The following SUDS3 variants were observed in gnomAD, a reference collection of about 807,000 sequenced individuals.
SUDS3 encodes sin3 histone deacetylase corepressor complex component SDS3.
SUDS3 carries 23 observed loss-of-function variants against 53.5 expected under a neutral mutation model. That is an observed-to-expected ratio of 0.43 (90% CI 0.31 to 0.61). The LOEUF (loss-of-function observed/expected upper bound fraction) is 0.61. Among genes scored for constraint, SUDS3 ranks in the 20% least tolerant of loss-of-function variants. The pLI, the probability that SUDS3 is intolerant of heterozygous loss-of-function variation, is 0.10. For synonymous variants in SUDS3, 150 were observed against 148.5 expected (o/e 1.01, Z -0.08); for missense variants, 291 against 405.9 (o/e 0.72, Z 2.43).
chr12:118,381,402 A>G (rs2046058048), intron 2 of SUDS3, among the ~76,000 whole-genome samples: 1 of 150,818 alleles, frequency 6.6e-6, no homozygotes, highest in Admixed American at 6.6e-5. Flanking sequence ...TTTTGTGTGG[A>G]GATGGAGTGT....
At chr12:118,395,710 G>C (rs2046208816) in intron 6 of SUDS3, among the ~76,000 whole-genome samples, 1 of 151,504 alleles carries the variant, frequency 6.6e-6, no homozygotes, top group Admixed American at 6.6e-5. Context: ...GATTGATTTT[G>C]AGACGTAGTC....
At chr12:118,396,133 T>C (rs2046213242) in intron 6 of SUDS3, among the ~76,000 whole-genome samples, 2 of 152,258 alleles carry the variant, frequency 1.3e-5, no homozygotes, top group Admixed American at 6.5e-5. Flanking sequence ...TAGTCTAGCC[T>C]ATGGGTCCCT....
intron 1 of SUDS3, among the ~76,000 whole-genome samples, chr12:118,378,532 T>G (rs1593747304): frequency 6.6e-6 from 1 of 151,442 alleles, no homozygotes; most frequent in East Asian, 1.9e-4. Flanking sequence ...CCCAGGCTGG[T>G]GTGCAGTGTC....
chr12:118,388,860 A>T (rs77114757), intron 4 of SUDS3, among the ~76,000 whole-genome samples: 3,359 of 152,222 alleles, frequency 0.022, 122 homozygotes, highest in African/African-American at 0.076. Context: ...TTTAAAAAGG[A>T]GGTCCTGGCC....
At position 118,403,417 on chromosome 12, in the gene SUDS3, C is replaced by G. The variant is rs771181051; in HGVS notation, c.703C>G (p.Pro235Ala). The G allele has an allele frequency of 6.2e-7, 1 of 1,613,198 alleles. No homozygotes were observed. The highest frequency in any genetic ancestry group is 2.2e-5 in the East Asian group (1 of 44,866). ...TAAGTATTGGTTTCCTCCAGCATCT[C>G]CATCCTCTCCTGAGCACTTGCCTGC... Reference protein sequence around the residue: ...KLKSPKRPASPSSPEHLPATP... With the variant: ...KLKSPKRPASASSPEHLPATP... The change falls in exon 10 of 12, where the codon CCA becomes GCA. Residue 235 changes from proline (P) to alanine (A), a missense_variant. By Grantham distance (27) the Pro-to-Ala change is conservative. This residue lies in a region of SUDS3 where 77 missense variants were observed against 87.1 expected (regional missense o/e 0.88). Transcript: ENST00000543473.
At position 118,416,777 on chromosome 12, in the gene SUDS3, G is replaced by C. The variant is rs1566215149; in HGVS notation, c.*2344G>C. ...GGGCAGAAGCCTTACTAAAGGGGAA[G>C]ACAGACTTTGAAGTTTCTAGACGAG... On this transcript the variant is annotated 3_prime_UTR_variant, in exon 12 of 12. Transcript: ENST00000543473. 6.6e-6 allele frequency: 1 copy of C among 152,206 alleles called. No individual in the cohort carries two copies. The highest frequency in any genetic ancestry group is 2.4e-5 in the African/African-American group (1 of 41,462). The allele number at this position is 152,206 out of a possible 1,614,324, so 9.4% of individuals were successfully genotyped here. A position where few individuals can be genotyped will look rare whatever the true frequency, so the allele number is the denominator to read the frequency against.
intron 4 of SUDS3, among the ~76,000 whole-genome samples, chr12:118,386,905 GTA>G (rs1409161011): frequency 2.6e-5 from 4 of 152,212 alleles, no homozygotes; most frequent in Non-Finnish European, 4.4e-5. Context: ...GAAATCGCGT[GTA>G]TGTGTTGAAT....
In SUDS3 at chr12:118,398,247, A is replaced by G. The variant is rs112909315; in HGVS notation, c.518-2412A>G. Among the ~76,000 whole-genome samples, 561 of 152,306 alleles carry G rather than the reference A, an allele frequency of 3.7e-3. 3 individuals are homozygous for G. The highest frequency in any genetic ancestry group is 0.013 in the African/African-American group (521 of 41,544). On this transcript the variant is annotated intron_variant, in intron 6 of 11. Coordinates refer to ENST00000543473, the MANE Select transcript of SUDS3 (RefSeq NM_022491.3). ...CACGGCGCACTGTGGGGGAGGCATTATTGATACTTCTATTCTCTAGATGAG... is the reference window on the plus strand; with the variant it reads ...CACGGCGCACTGTGGGGGAGGCATTGTTGATACTTCTATTCTCTAGATGAG...
At chr12:118,398,222 C>T (rs768610157) in intron 6 of SUDS3, among the ~76,000 whole-genome samples, 2 of 152,194 alleles carry the variant, frequency 1.3e-5, no homozygotes, top group Non-Finnish European at 2.9e-5. Context: ...ATGTAACCCT[C>T]ACGGCGCACT....
rs760564991 is a variant in SUDS3 at position 118,384,091 on chromosome 12, A to G, written c.268+24A>G. On this transcript the variant is annotated intron_variant, in intron 3 of 11. Transcript: ENST00000543473. ...AGGTTGGTGTGTGATTGAATCCTGC[A>G]TTTCTAAATATGCTTCTTAATATTA... 87 of 1,607,522 alleles carry G rather than the reference A, an allele frequency of 5.4e-5. 1 individual carries two copies. Among genetic ancestry groups the G allele is most frequent in the Non-Finnish European group, 4.6e-5 (54 of 1,174,986 alleles).
At chr12:118,383,965 A>C in intron 2 of SUDS3, 47 bp from the exon 3 acceptor site, 2 of 1,541,296 alleles carry the variant, frequency 1.3e-6, no homozygotes, top group Admixed American at 1.8e-5. Context: ...TTTGGAATTG[A>C]GTATTGAATG....
At chr12:118,396,453 T>C (rs1292996709) in intron 6 of SUDS3, among the ~76,000 whole-genome samples, 1 of 151,816 alleles carries the variant, frequency 6.6e-6, no homozygotes, top group Non-Finnish European at 1.5e-5. Flanking sequence ...GGGGTTTTGC[T>C]CTGTTGCCCA....
chr12:118,380,654 A>C (rs116211735), intron 2 of SUDS3, among the ~76,000 whole-genome samples: 1 of 152,218 alleles, frequency 6.6e-6, no homozygotes, highest in African/African-American at 2.4e-5. Context: ...CTTGAGGGCA[A>C]TGGACCCAGG....
chr12:118,403,328 T>C, intron 9 of SUDS3, 84 bp from the exon 10 acceptor site: 3 of 1,016,172 alleles, frequency 3.0e-6, no homozygotes. Context: ...CACATTCTGA[T>C]AGTGTTTCAA....
At chr12:118,409,991 G>C (rs1176468400) in intron 10 of SUDS3, among the ~76,000 whole-genome samples, 2 of 152,228 alleles carry the variant, frequency 1.3e-5, no homozygotes, top group Non-Finnish European at 2.9e-5. Context: ...CTTATCTACT[G>C]TATTCAAAGC....
rs192889379 is a variant in SUDS3 at position 118,415,612 on chromosome 12, T to G, written c.*1179T>G. Reference sequence around the variant, plus strand: ...TGAGTGTTGGGGTTTTCTATACTCATGTTGCCATCTTGAGATGTTCAAAAA... The same window carrying G: ...TGAGTGTTGGGGTTTTCTATACTCAGGTTGCCATCTTGAGATGTTCAAAAA... On this transcript the variant is annotated 3_prime_UTR_variant, in exon 12 of 12. Coordinates refer to ENST00000543473, the MANE Select transcript of SUDS3 (RefSeq NM_022491.3). 6.6e-6 allele frequency: 1 copy of G among 152,174 alleles called. No homozygotes were observed. The highest frequency in any genetic ancestry group is 1.5e-5 in the Non-Finnish European group (1 of 68,024). The allele number at this position is 152,174 out of a possible 1,614,324, so 9.4% of individuals were successfully genotyped here. A position where few individuals can be genotyped will look rare whatever the true frequency, so the allele number is the denominator to read the frequency against.
intron 11 of SUDS3, among the ~76,000 whole-genome samples, chr12:118,412,186 C>A (rs2046365220): frequency 6.6e-6 from 1 of 152,162 alleles, no homozygotes; most frequent in Non-Finnish European, 1.5e-5. Context: ...CTGAGTTCTC[C>A]AAGTGGTCTT....
At chr12:118,409,492 G>A (rs1456113689) in intron 10 of SUDS3, among the ~76,000 whole-genome samples, 1 of 152,074 alleles carries the variant, frequency 6.6e-6, no homozygotes, top group Non-Finnish European at 1.5e-5. Context: ...ACATTGACTT[G>A]GAAACCTGAG....
chr12:118,405,847 C>T (rs763080056), intron 10 of SUDS3, among the ~76,000 whole-genome samples: 7 of 152,138 alleles, frequency 4.6e-5, no homozygotes, highest in Non-Finnish European at 8.8e-5. Context: ...CTTTGGCAGA[C>T]GTGGCCTGTG....
Sources: gnomAD v4.1 joint callset for allele counts (sites outside exome capture counted in the v4.1 genomes callset) on GRCh38, gnomAD v4.1.1 for gene constraint, gnomAD v4.1.1 regional missense constraint, MANE v1.5 for transcripts, NCBI Gene and HGNC (gene_info 2026-07-23, HGNC 2026-07-21) for gene names.